KANSL3: variants seen among roughly 807,000 people sequenced by gnomAD.
The protein encoded by KANSL3 is KAT8 regulatory NSL complex subunit 3.
In KANSL3, 16 loss-of-function variants were observed where a neutral mutation model predicts 89.2. The observed-to-expected ratio is 0.18, with a 90% CI of 0.12 to 0.27. The LOEUF (loss-of-function observed/expected upper bound fraction) is 0.27, where lower values mean the gene tolerates loss of function less well. Ranked by LOEUF, KANSL3 falls within the 10% of genes least tolerant of loss-of-function variation. The pLI is 1.00. For synonymous variants in KANSL3, 385 were observed against 419.7 expected (o/e 0.92, Z 1.01); for missense variants, 879 against 1,110.6 (o/e 0.79, Z 2.96).
At chr2:96,611,001 A>G in intron 10 of KANSL3, 63 bp downstream of exon 10, 1 of 1,580,674 alleles carries the variant, frequency 6.3e-7, no homozygotes, top group Admixed American at 1.7e-5. Flanking sequence ...CAGCTTGGAC[A>G]AGGCATGCAC....
At chr2:96,613,760 G>T in intron 5 of KANSL3, 141 bp from the exon 6 acceptor site, 1 of 649,184 alleles carries the variant, frequency 1.5e-6, no homozygotes. Context: ...TAAGGATCAA[G>T]AATATATATA....
intron 3 of KANSL3, among the ~76,000 whole-genome samples, chr2:96,623,476 T>C (rs376010340): frequency 2.6e-5 from 4 of 152,232 alleles, no homozygotes; most frequent in Admixed American, 2.6e-4. Context: ...AGTATGCAGA[T>C]GGAGGACAAA....
In KANSL3 at chr2:96,601,677, T is replaced by G; in HGVS notation, c.2582A>C (p.Glu861Ala). Residue 861 changes from glutamate to alanine, a missense_variant, in exon 20 of 21, where the codon GAG becomes GCG. By Grantham distance (107) the Glu-to-Ala change is moderately radical. Transcript: ENST00000431828. ...GGAGGGCAGCACCTGGGAAGAGGAC[T>G]CCTCGGATGGGGCTGCTCCTGAGCC... ...PMGSGAAPSE[E>A]SSSQVLPSSS... 1 of 1,613,632 alleles carries G rather than the reference T, an allele frequency of 6.2e-7. No homozygotes were observed. Among genetic ancestry groups the G allele is most frequent in the South Asian group, 1.1e-5 (1 of 90,988 alleles).
chr2:96,616,949 A>G (rs2070260115), intron 5 of KANSL3, among the ~76,000 whole-genome samples: 2 of 152,236 alleles, frequency 1.3e-5, no homozygotes, highest in African/African-American at 2.4e-5. Flanking sequence ...AGCCACAGTG[A>G]GTGAAGCAGG....
At chr2:96,603,183 T>C (rs945160413) in intron 17 of KANSL3, 4 of 237,692 alleles carry the variant, frequency 1.7e-5, no homozygotes, top group Non-Finnish European at 2.4e-5. Flanking sequence ...GCCAAAAGAA[T>C]TATAAATATC....
Position 96,595,591 on chromosome 2 carries a change from G to A in KANSL3, c.*20C>T. 11 of 1,613,596 alleles carry A rather than the reference G, an allele frequency of 6.8e-6. No homozygotes were observed. Among genetic ancestry groups the A allele is most frequent in the Non-Finnish European group, 9.3e-6 (11 of 1,179,686 alleles). On this transcript the variant is annotated 3_prime_UTR_variant, in exon 21 of 21. Transcript: ENST00000431828. ...GCAGCCATCACCAACTTGGTAAGGAGGACATATCACACAGCATCTTCAGGG... is the reference window on the plus strand; with the variant it reads ...GCAGCCATCACCAACTTGGTAAGGAAGACATATCACACAGCATCTTCAGGG...
At position 96,599,801 on chromosome 2, in the gene KANSL3, T is replaced by C. The variant is rs1316300953; in HGVS notation, c.2616+1842A>G. 4 of 201,854 alleles carry C rather than the reference T, an allele frequency of 2.0e-5. No individual in the cohort carries two copies. In the Admixed American group the frequency reaches 2.6e-4, roughly 13 times the overall value. The allele number at this position is 201,854 out of a possible 1,614,324, so 12.5% of individuals were successfully genotyped here. A position where few individuals can be genotyped will look rare whatever the true frequency, so the allele number is the denominator to read the frequency against. ...ATCAGGAAAATGCACATTAAAACAATTTCATTTTTCACCCAGATTAATAAA... is the reference window on the plus strand; with the variant it reads ...ATCAGGAAAATGCACATTAAAACAACTTCATTTTTCACCCAGATTAATAAA... On this transcript the variant is annotated intron_variant, in intron 20 of 20. Coordinates refer to ENST00000431828, the MANE Select transcript of KANSL3 (RefSeq NM_001115016.3).
intron 6 of KANSL3, 87 bp from the exon 7 acceptor site, chr2:96,613,021 C>A: frequency 2.4e-6 from 2 of 819,732 alleles, no homozygotes; most frequent in Non-Finnish European, 4.1e-6. Flanking sequence ...TTTCTCATCC[C>A]AACCAATGCT....
intron 3 of KANSL3, chr2:96,627,799 AG>A (rs1240646265): frequency 1.5e-6 from 1 of 657,486 alleles, no homozygotes; most frequent in African/African-American, 1.9e-5. Flanking sequence ...TCAGAGCAGA[AG>A]GAACTGCAAG....
At chr2:96,598,241 T>C in intron 20 of KANSL3, 2 of 546,324 alleles carry the variant, frequency 3.7e-6, no homozygotes, top group South Asian at 8.0e-5. Flanking sequence ...ATAAAACTGT[T>C]TTAGAGTATG....
intron 14 of KANSL3, chr2:96,606,414 G>C (rs954491310): frequency 2.6e-5 from 4 of 152,682 alleles, no homozygotes; most frequent in Non-Finnish European, 4.4e-5. Context: ...TTGTAGCACA[G>C]GGAAGCAAAG....
At chr2:96,599,372 A>G (rs2066870522) in intron 20 of KANSL3, among the ~76,000 whole-genome samples, 1 of 152,248 alleles carries the variant, frequency 6.6e-6, no homozygotes, top group African/African-American at 2.4e-5. Context: ...AATGTGCTCA[A>G]TGCTACTGAA....
chr2:96,622,571 T>C (rs770539155), intron 3 of KANSL3, among the ~76,000 whole-genome samples: 1 of 152,228 alleles, frequency 6.6e-6, no homozygotes, highest in East Asian at 1.9e-4. Context: ...TACAACCTTT[T>C]GGAAAAGCCA....
intron 3 of KANSL3, among the ~76,000 whole-genome samples, chr2:96,622,554 A>T (rs1269889384): frequency 6.6e-6 from 1 of 152,244 alleles, no homozygotes; most frequent in Non-Finnish European, 1.5e-5. Flanking sequence ...ATGGAAATAT[A>T]AATTAGTACA....
At chr2:96,595,986 C>G (rs1365816057) in intron 20 of KANSL3, among the ~76,000 whole-genome samples, 1 of 152,144 alleles carries the variant, frequency 6.6e-6, no homozygotes, top group Non-Finnish European at 1.5e-5. Context: ...TGCTCAACAA[C>G]AAAGGTCACC....
At chr2:96,607,973 T>C (rs2068260545) in intron 14 of KANSL3, among the ~76,000 whole-genome samples, 1 of 152,204 alleles carries the variant, frequency 6.6e-6, no homozygotes, top group African/African-American at 2.4e-5. Flanking sequence ...CCCTTTTCTA[T>C]AGCTCCTTTC....
chr2:96,597,594 T>A (rs935414685), intron 20 of KANSL3, among the ~76,000 whole-genome samples: 23 of 152,138 alleles, frequency 1.5e-4, no homozygotes, highest in African/African-American at 5.6e-4. Context: ...ATATCCACTT[T>A]ATTTTATTTA....
chr2:96,602,481 A>G, intron 18 of KANSL3, 143 bp from the exon 19 acceptor site: 1 of 674,558 alleles, frequency 1.5e-6, no homozygotes, highest in Non-Finnish European at 2.6e-6. Flanking sequence ...CATTTTGCAT[A>G]TATTATTTCA....
chr2:96,601,350 G>GA (rs770949968), intron 20 of KANSL3: 12 of 985,096 alleles, frequency 1.2e-5, no homozygotes, highest in Non-Finnish European at 1.4e-5. Flanking sequence ...CCAAGGATGA[G>GA]AAAAAAATGA....
Sources: allele counts gnomAD v4.1 joint callset (sites outside exome capture counted in the v4.1 genomes callset), GRCh38; gene constraint gnomAD v4.1.1; transcripts MANE v1.5; gene names NCBI Gene and HGNC (gene_info 2026-07-23, HGNC 2026-07-21).